Variants in PTPRN2 observed in about 807,000 individuals in gnomAD.
PTPRN2 encodes receptor-type tyrosine-protein phosphatase N2.
PTPRN2 carries 74 observed loss-of-function variants against 118.8 expected under a neutral mutation model. The observed-to-expected ratio is 0.62, with a 90% CI of 0.52 to 0.76. PTPRN2 has a LOEUF of 0.76. Among genes scored for constraint, PTPRN2 ranks in the 30% least tolerant of loss-of-function variants. The pLI, the probability that PTPRN2 is intolerant of heterozygous loss-of-function variation, is 0.00. For synonymous variants in PTPRN2, 641 were observed against 608.0 expected, an observed-to-expected ratio of 1.05 and a Z score of -0.80; for missense variants, 1,481 against 1,394.4, an observed-to-expected ratio of 1.06 and a Z score of -0.99.
intron 6 of PTPRN2, among the ~76,000 whole-genome samples, chr7:158,164,378 GCGTAGGAAGGACACGCAGAGCAGGAGCGC>G (rs1822708759): frequency 2.6e-5 from 1 of 39,130 alleles, no homozygotes; most frequent in Non-Finnish European, 7.3e-5. Flanking sequence ...GCAGGAGGGT[GCGTAGGAAGGACACGCAGAGCAGGAGCGC>G]GCGCGTAGGA....
At chr7:158,520,221 C>CA (rs1823882275) in intron 1 of PTPRN2, among the ~76,000 whole-genome samples, 1 of 152,188 alleles carries the variant, frequency 6.6e-6, no homozygotes, top group South Asian at 2.1e-4. Flanking sequence ...CTAAGAAAAA[C>CA]AGAGTTTGGG....
In PTPRN2 at chr7:158,294,212, G is replaced by A. The variant is rs1482223793; in HGVS notation, c.277+22607C>T. Among the ~76,000 whole-genome samples the A allele has an allele frequency of 7.2e-5, 11 of 152,244 alleles. No individual in the cohort carries two copies. In the East Asian group the frequency reaches 7.7e-4, roughly 11 times the overall value. On this transcript the variant is annotated intron_variant, in intron 3 of 22. Transcript: ENST00000389418. Reference sequence around the variant, plus strand: ...CATATGGGACCACCATCATGTACGCGATCTGCTGCTGGTGGAAACATTGTT... The same window carrying A: ...CATATGGGACCACCATCATGTACGCAATCTGCTGCTGGTGGAAACATTGTT...
At chr7:157,843,759 G>A (rs114132684) in intron 12 of PTPRN2, among the ~76,000 whole-genome samples, 6 of 152,298 alleles carry the variant, frequency 3.9e-5, no homozygotes, top group East Asian at 3.9e-4. Flanking sequence ...ATTCACACTC[G>A]CAGTTTCGAA....
At chr7:158,205,032 C>T in intron 4 of PTPRN2, 139 bp downstream of exon 4, 1 of 721,054 alleles carries the variant, frequency 1.4e-6, no homozygotes. Flanking sequence ...TTACAGACAT[C>T]CTAACTTTCT....
At chr7:158,138,589 G>A in intron 6 of PTPRN2, 74 bp from the exon 7 acceptor site, 1 of 1,424,460 alleles carries the variant, frequency 7.0e-7, no homozygotes, top group Non-Finnish European at 9.7e-7. Context: ...AGACCATAGG[G>A]GTGTGGTGGG....
intron 12 of PTPRN2, among the ~76,000 whole-genome samples, chr7:157,804,431 TC>T (rs1209777274): frequency 6.6e-6 from 1 of 152,174 alleles, no homozygotes; most frequent in Admixed American, 6.5e-5. Flanking sequence ...GGTGAACAAC[TC>T]CAGTGTCTGT....
chr7:158,138,756 C>T (rs909486779), intron 6 of PTPRN2, among the ~76,000 whole-genome samples: 11 of 152,348 alleles, frequency 7.2e-5, no homozygotes, highest in Admixed American at 6.5e-4. Context: ...AATGGAAGGA[C>T]AGACTCATCC....
At chr7:158,213,216 G>A (rs1827731628) in intron 3 of PTPRN2, among the ~76,000 whole-genome samples, 2 of 147,626 alleles carry the variant, frequency 1.4e-5, no homozygotes, top group African/African-American at 5.0e-5. Flanking sequence ...TTGTGTGTGT[G>A]TGTGTGTGTG....
At chr7:158,274,535 G>T (rs1342360875) in intron 3 of PTPRN2, among the ~76,000 whole-genome samples, 1 of 152,130 alleles carries the variant, frequency 6.6e-6, no homozygotes, top group Non-Finnish European at 1.5e-5. Flanking sequence ...GCAGGCACAG[G>T]GGGAGCCACA....
At chr7:157,553,479 G>A (rs570079644) in intron 21 of PTPRN2, among the ~76,000 whole-genome samples, 4 of 152,262 alleles carry the variant, frequency 2.6e-5, no homozygotes, top group African/African-American at 9.6e-5. Flanking sequence ...GAGTGGCGTC[G>A]TCGTCCTCAC....
At chr7:158,304,328 C>T (rs996571077) in intron 3 of PTPRN2, among the ~76,000 whole-genome samples, 4 of 147,848 alleles carry the variant, frequency 2.7e-5, no homozygotes, top group South Asian at 2.2e-4. Flanking sequence ...ATCAGACACC[C>T]GTCAATATGC....
chr7:158,268,712 C>G (rs1233580273), intron 3 of PTPRN2, among the ~76,000 whole-genome samples: 2 of 122,690 alleles, frequency 1.6e-5, no homozygotes, highest in Non-Finnish European at 3.3e-5. Flanking sequence ...CCCAGCCCAG[C>G]CGCACACAGA....
At chr7:158,226,590 C>T (rs1280805774) in intron 3 of PTPRN2, among the ~76,000 whole-genome samples, 1 of 151,768 alleles carries the variant, frequency 6.6e-6, no homozygotes, top group Non-Finnish European at 1.5e-5. Flanking sequence ...GCATGCAACA[C>T]GTCAACACTT....
intron 2 of PTPRN2, among the ~76,000 whole-genome samples, chr7:158,460,948 T>G (rs1394443095): frequency 6.6e-6 from 1 of 152,368 alleles, no homozygotes; most frequent in East Asian, 1.9e-4. Flanking sequence ...AAAAGTCAGC[T>G]GATCCACATA....
intron 3 of PTPRN2, among the ~76,000 whole-genome samples, chr7:158,258,280 C>T (rs754208266): frequency 1.4e-4 from 21 of 152,192 alleles, no homozygotes; most frequent in Non-Finnish European, 2.9e-4. Flanking sequence ...CAGCCGCTGA[C>T]GCCTCCCCCG....
At chr7:158,303,168 C>CAAA (rs542953447) in intron 3 of PTPRN2, among the ~76,000 whole-genome samples, 1,504 of 119,844 alleles carry the variant, frequency 0.013, 20 homozygotes, top group African/African-American at 0.043. Context: ...ACTAACCCAC[C>CAAA]AAAAAAAAAA....
intron 12 of PTPRN2, among the ~76,000 whole-genome samples, chr7:157,691,901 C>G (rs1358479173): frequency 6.6e-6 from 1 of 152,058 alleles, no homozygotes; most frequent in Non-Finnish European, 1.5e-5. Context: ...TCCCCAGGCC[C>G]TGGACCCCGG....
chr7:157,894,022 G>T (rs567547795), intron 12 of PTPRN2, among the ~76,000 whole-genome samples: 1 of 152,296 alleles, frequency 6.6e-6, no homozygotes, highest in Non-Finnish European at 1.5e-5. Flanking sequence ...ATGGGAGCTC[G>T]TGATGGAAGG....
intron 21 of PTPRN2, 135 bp downstream of exon 21, chr7:157,568,767 C>T: frequency 1.2e-6 from 1 of 848,422 alleles, no homozygotes; most frequent in South Asian, 1.5e-5. Flanking sequence ...TGCAAACCAC[C>T]TTCCTACGGC....
Sources: allele counts gnomAD v4.1 joint callset (sites outside exome capture counted in the v4.1 genomes callset), GRCh38; gene constraint gnomAD v4.1.1; transcripts MANE v1.5; gene names NCBI Gene and HGNC (gene_info 2026-07-23, HGNC 2026-07-21).